Variants in UBTD1 observed in about 807,000 individuals in gnomAD.
UBTD1 encodes the protein ubiquitin domain-containing protein 1.
UBTD1 carries 19 observed loss-of-function variants against 21.7 expected under a neutral mutation model. That is an observed-to-expected ratio of 0.87 (90% CI 0.61 to 1.28). UBTD1 has a LOEUF of 1.28. Among genes scored for constraint, UBTD1 ranks in the 50% most tolerant of loss-of-function variants. The probability of loss-of-function intolerance (pLI) is 0.00; values close to 1 mark genes in which losing one functional copy is unlikely to be tolerated. For missense variants in UBTD1, 282 were observed against 315.1 expected (o/e 0.89, Z 0.80); for synonymous variants, 116 against 135.1 (o/e 0.86, Z 0.98).
At chr10:97,548,477 C>T (rs2040621252) in intron 1 of UBTD1, among the ~76,000 whole-genome samples, 1 of 152,174 alleles carries the variant, frequency 6.6e-6, no homozygotes, top group African/African-American at 2.4e-5. Flanking sequence ...CCTCAGAAAA[C>T]ATGTTAGTTG....
chr10:97,521,693 C>T (rs574143140), intron 1 of UBTD1, among the ~76,000 whole-genome samples: 1 of 152,326 alleles, frequency 6.6e-6, no homozygotes, highest in African/African-American at 2.4e-5. Flanking sequence ...CCCTGATCTC[C>T]CTGAAGCCCC....
chr10:97,519,963 G>A (rs904825308), intron 1 of UBTD1, among the ~76,000 whole-genome samples: 1 of 152,166 alleles, frequency 6.6e-6, no homozygotes, highest in Non-Finnish European at 1.5e-5. Flanking sequence ...GGGGCTTGGG[G>A]CAAGTGCACT....
intron 1 of UBTD1, among the ~76,000 whole-genome samples, chr10:97,556,319 GACA>G (rs79775071): frequency 0.27 from 41,019 of 151,932 alleles, 5,783 homozygotes; most frequent in East Asian, 0.49. Context: ...TCTATGTGTA[GACA>G]ACAATTAGTA....
chr10:97,561,936 A>G (rs531194526), intron 1 of UBTD1, among the ~76,000 whole-genome samples: 1 of 152,276 alleles, frequency 6.6e-6, no homozygotes, highest in East Asian at 1.9e-4. Context: ...TTTGTCTTGT[A>G]TACCAAAAAT....
chr10:97,524,893 C>A (rs1469889308), intron 1 of UBTD1, among the ~76,000 whole-genome samples: 1 of 152,164 alleles, frequency 6.6e-6, no homozygotes, highest in Non-Finnish European at 1.5e-5. Flanking sequence ...AGGCCCTGGT[C>A]CTCCATGGCC....
intron 1 of UBTD1, among the ~76,000 whole-genome samples, chr10:97,550,737 A>G (rs571661876): frequency 6.6e-6 from 1 of 150,962 alleles, no homozygotes; most frequent in South Asian, 2.1e-4. Context: ...GGGAGTAAAC[A>G]CACACACACG....
intron 1 of UBTD1, among the ~76,000 whole-genome samples, chr10:97,516,101 C>T (rs2040443108): frequency 6.6e-6 from 1 of 152,220 alleles, no homozygotes; most frequent in African/African-American, 2.4e-5. Context: ...GCTGTCAGAC[C>T]AGCGGGGGCC....
intron 1 of UBTD1, among the ~76,000 whole-genome samples, chr10:97,535,386 C>CG (rs2040555089): frequency 6.6e-6 from 1 of 152,118 alleles, no homozygotes; most frequent in South Asian, 2.1e-4. Flanking sequence ...GAGGCCAAGG[C>CG]GGGCAGATCA....
intron 1 of UBTD1, among the ~76,000 whole-genome samples, chr10:97,566,007 C>T (rs2040715404): frequency 6.6e-6 from 1 of 152,110 alleles, no homozygotes; most frequent in South Asian, 2.1e-4. Context: ...AGCCACTAGG[C>T]CTGGCCTGTA....
chr10:97,523,583 C>G (rs544804513), intron 1 of UBTD1, among the ~76,000 whole-genome samples: 1 of 152,274 alleles, frequency 6.6e-6, no homozygotes, highest in Admixed American at 6.5e-5. Context: ...AGCCCAGCAC[C>G]TGGCATCAAC....
chr10:97,538,459 A>G (rs544892568), intron 1 of UBTD1, among the ~76,000 whole-genome samples: 6 of 152,354 alleles, frequency 3.9e-5, no homozygotes, highest in African/African-American at 1.4e-4. Flanking sequence ...TACACATTCA[A>G]ATATATTCAA....
At chr10:97,518,692 C>T (rs2040454746) in intron 1 of UBTD1, among the ~76,000 whole-genome samples, 1 of 152,158 alleles carries the variant, frequency 6.6e-6, no homozygotes, top group Non-Finnish European at 1.5e-5. Context: ...CTGTTCTTGT[C>T]GTTGACTGGA....
In UBTD1 at chr10:97,568,022, C is replaced by G; in HGVS notation, c.179C>G (p.Ala60Gly). The G allele has an allele frequency of 1.2e-6, 2 of 1,614,068 alleles. No individual in the cohort carries two copies. The highest frequency in any genetic ancestry group is 1.7e-6 in the Non-Finnish European group (2 of 1,180,040). ...GATGAGTTCTGGGACACAGCGCCTG[C>G]CTTCGAGGGCCGCAAGGAGATCTGG... Reference protein sequence around the residue: ...KRDEFWDTAPAFEGRKEIWDA... With the variant: ...KRDEFWDTAPGFEGRKEIWDA... Residue 60 changes from alanine to glycine, a missense_variant, in exon 2 of 3, where the codon GCC becomes GGC. Coordinates refer to ENST00000370664, the MANE Select transcript of UBTD1 (RefSeq NM_024954.5).
chr10:97,565,750 G>C (rs930913350), intron 1 of UBTD1, among the ~76,000 whole-genome samples: 1 of 151,974 alleles, frequency 6.6e-6, no homozygotes, highest in African/African-American at 2.4e-5. Context: ...TTGTCACCCA[G>C]GCTGGATTTG....
intron 1 of UBTD1, among the ~76,000 whole-genome samples, chr10:97,505,842 TAC>T (rs1364234816): frequency 1.3e-5 from 2 of 152,250 alleles, no homozygotes; most frequent in East Asian, 1.9e-4. Flanking sequence ...CCAGGATTTT[TAC>T]ACACAAAAGC....
At chr10:97,517,021 A>G (rs1441175145) in intron 1 of UBTD1, among the ~76,000 whole-genome samples, 2 of 152,246 alleles carry the variant, frequency 1.3e-5, no homozygotes, top group South Asian at 2.1e-4. Context: ...CTGGGAGGGC[A>G]TTGCTGGACT....
intron 1 of UBTD1, among the ~76,000 whole-genome samples, chr10:97,512,696 C>T (rs901697248): frequency 6.6e-6 from 1 of 152,212 alleles, no homozygotes; most frequent in Non-Finnish European, 1.5e-5. Flanking sequence ...TGACACATGT[C>T]CCATGGAAGA....
chr10:97,535,815 G>A (rs2040557490), intron 1 of UBTD1, among the ~76,000 whole-genome samples: 1 of 151,560 alleles, frequency 6.6e-6, no homozygotes, highest in Non-Finnish European at 1.5e-5. Flanking sequence ...CTACTCAGGA[G>A]GCTGAGGTAG....
rs80034118 is a variant in UBTD1, at chr10:97,520,444, C to T, written c.70+21171C>T. 9.0e-3 allele frequency among the ~76,000 whole-genome samples: 1,372 copies of T among 152,242 alleles called. 32 individuals carry two copies. Among genetic ancestry groups the T allele is most frequent in the East Asian group, 0.076 (392 of 5,180 alleles). On this transcript the variant is annotated intron_variant, in intron 1 of 2. Transcript: ENST00000370664. Reference sequence around the variant, plus strand: ...GGTGTGCAGCTGAGCAAAATAGATACGGTCCTTCCCTCCCAGGTCCCACAG... The same window carrying T: ...GGTGTGCAGCTGAGCAAAATAGATATGGTCCTTCCCTCCCAGGTCCCACAG...
Sources: allele counts gnomAD v4.1 joint callset (sites outside exome capture counted in the v4.1 genomes callset), GRCh38; gene constraint gnomAD v4.1.1; transcripts MANE v1.5; gene names NCBI Gene and HGNC (gene_info 2026-07-23, HGNC 2026-07-21).